Variants in SHC4 observed in about 807,000 individuals in gnomAD.
The protein encoded by SHC4 is SHC-transforming protein 4.
A neutral mutation model predicts 69.4 loss-of-function variants in SHC4; 41 were observed. That is an observed-to-expected ratio of 0.59 (90% CI 0.46 to 0.77). The LOEUF (loss-of-function observed/expected upper bound fraction) is 0.77. Ranked by LOEUF, SHC4 falls within the 30% of genes least tolerant of loss-of-function variation. The pLI is 0.00. For synonymous variants in SHC4, 318 were observed against 299.3 expected, an observed-to-expected ratio of 1.06 and a Z score of -0.64; for missense variants, 777 against 783.8, an observed-to-expected ratio of 0.99 and a Z score of 0.10.
At chr15:48,890,105 T>C (rs1232579480) in intron 3 of SHC4, among the ~76,000 whole-genome samples, 1 of 152,218 alleles carries the variant, frequency 6.6e-6, no homozygotes, top group Admixed American at 6.5e-5. Flanking sequence ...AAGTAAGTGC[T>C]ATTTTCTCCC....
chr15:48,959,565 G>T (rs1337706096), intron 1 of SHC4, among the ~76,000 whole-genome samples: 2 of 152,130 alleles, frequency 1.3e-5, no homozygotes, highest in Non-Finnish European at 2.9e-5. Flanking sequence ...CTTTTTTCCT[G>T]TAAACTTTGC....
chr15:48,949,622 G>A (rs1901333053), intron 1 of SHC4, among the ~76,000 whole-genome samples: 1 of 151,846 alleles, frequency 6.6e-6, no homozygotes, highest in Admixed American at 6.6e-5. Context: ...CTTAAGACTT[G>A]TTATAATCTG....
intron 10 of SHC4, among the ~76,000 whole-genome samples, chr15:48,837,818 G>GCCCATTAGATCCTCTAAAA (rs1338565026): frequency 6.6e-6 from 1 of 151,834 alleles, no homozygotes; most frequent in African/African-American, 2.4e-5. Flanking sequence ...TGGATCTAAT[G>GCCCATTAGATCCTCTAAAA]GGCAAAAACC....
At chr15:48,879,614 T>C (rs1320095272) in intron 4 of SHC4, 1 of 167,204 alleles carries the variant, frequency 6.0e-6, no homozygotes, top group South Asian at 2.1e-4. Context: ...GAACTGTTAA[T>C]AAAAGTTGTC....
chr15:48,857,869 A>C, intron 6 of SHC4, 54 bp from the exon 7 acceptor site: 2 of 1,391,294 alleles, frequency 1.4e-6, no homozygotes, highest in South Asian at 1.8e-5. Flanking sequence ...GAAAGAGAAG[A>C]TTACATAAAA....
intron 3 of SHC4, among the ~76,000 whole-genome samples, chr15:48,889,821 G>A (rs961695511): frequency 6.6e-6 from 1 of 152,152 alleles, no homozygotes; most frequent in Admixed American, 6.5e-5. Context: ...TCCAACCTGG[G>A]CAACAGAGCG....
intron 2 of SHC4, among the ~76,000 whole-genome samples, chr15:48,904,334 T>C (rs189382683): frequency 1.3e-5 from 2 of 152,276 alleles, no homozygotes; most frequent in Admixed American, 1.3e-4. Context: ...AATAGTAATA[T>C]CTATTTTATA....
At chr15:48,923,606 T>C (rs1595759110) in intron 2 of SHC4, among the ~76,000 whole-genome samples, 1 of 149,036 alleles carries the variant, frequency 6.7e-6, no homozygotes, top group East Asian at 2.0e-4. Flanking sequence ...TAGAGTTTTT[T>C]CAACTATAGC....
chr15:48,893,850 T>C (rs995391469), intron 2 of SHC4, among the ~76,000 whole-genome samples: 12 of 152,192 alleles, frequency 7.9e-5, no homozygotes, highest in African/African-American at 2.9e-4. Context: ...TGGTGGCACA[T>C]ACTTGTAGTC....
chr15:48,954,690 G>T (rs1901414499), intron 1 of SHC4, among the ~76,000 whole-genome samples: 1 of 152,190 alleles, frequency 6.6e-6, no homozygotes, highest in Admixed American at 6.5e-5. Context: ...TGCCAGGGTG[G>T]CGCTGCTGGC....
intron 1 of SHC4, among the ~76,000 whole-genome samples, chr15:48,960,377 C>G (rs559027875): frequency 6.6e-6 from 1 of 152,274 alleles, no homozygotes; most frequent in East Asian, 1.9e-4. Flanking sequence ...TTTGGAGACT[C>G]ACTCGTTTTC....
At chr15:48,835,753 A>G (rs1595726243) in intron 10 of SHC4, among the ~76,000 whole-genome samples, 1 of 152,210 alleles carries the variant, frequency 6.6e-6, no homozygotes, top group Admixed American at 6.5e-5. Context: ...AGTTTACAGT[A>G]CTATCCACAC....
Position 48,835,025 on chromosome 15 carries a change from G to A in SHC4, c.1484-3C>T. The A allele has an allele frequency of 6.2e-7, 1 of 1,607,450 alleles. No homozygotes were observed. Among genetic ancestry groups the A allele is most frequent in the Non-Finnish European group, 8.5e-7 (1 of 1,176,812 alleles). ...CGGCTGAACAGTTTCTGGTGCCTCT[G>A]AAGTCAGAACACAAAGAGAGACATC... On this transcript the variant is annotated splice_polypyrimidine_tract_variant and splice_region_variant and intron_variant, in intron 10 of 11. Transcript: ENST00000332408.
At chr15:48,873,747 A>T (rs1463490351) in intron 4 of SHC4, among the ~76,000 whole-genome samples, 2 of 152,210 alleles carry the variant, frequency 1.3e-5, no homozygotes, top group Admixed American at 1.3e-4. Context: ...TCTCAAAAAA[A>T]AAAACAGAAA....
intron 2 of SHC4, among the ~76,000 whole-genome samples, chr15:48,910,823 C>T (rs1337385010): frequency 6.6e-6 from 1 of 152,104 alleles, no homozygotes; most frequent in Non-Finnish European, 1.5e-5. Flanking sequence ...GTTTTTGACC[C>T]AAATGCTCAT....
At chr15:48,927,475 A>G (rs546011041) in intron 1 of SHC4, among the ~76,000 whole-genome samples, 2 of 152,212 alleles carry the variant, frequency 1.3e-5, no homozygotes, top group Non-Finnish European at 2.9e-5. Flanking sequence ...AAGGTGACCA[A>G]GCACCTACAT....
intron 2 of SHC4, among the ~76,000 whole-genome samples, chr15:48,899,985 G>A (rs140482274): frequency 6.6e-6 from 1 of 152,150 alleles, no homozygotes; most frequent in Non-Finnish European, 1.5e-5. Flanking sequence ...TTGAGTAACA[G>A]GTTCTGTGCT....
intron 2 of SHC4, among the ~76,000 whole-genome samples, chr15:48,895,825 G>A (rs184065830): frequency 2.5e-4 from 38 of 152,322 alleles, no homozygotes; most frequent in African/African-American, 9.1e-4. Flanking sequence ...GCTCATGCCT[G>A]TAATCCCACC....
At position 48,963,201 on chromosome 15, in the gene SHC4, G is replaced by A. The variant is rs945772271; in HGVS notation, c.-186C>T. The stretch of plus-strand genomic sequence containing the variant: ...AAGGGTGACAGCCCATGGGGGAAAC[G>A]CCTCCCCTGCTCTGATTTCAGTCTC... On this transcript the variant is annotated 5_prime_UTR_variant, in exon 1 of 12. Transcript: ENST00000332408. 10 of 595,574 alleles carry A rather than the reference G, an allele frequency of 1.7e-5. No homozygotes were observed. The highest frequency in any genetic ancestry group is 5.8e-6 in the Non-Finnish European group (2 of 344,448). The allele number at this position is 595,574 out of a possible 1,614,324, so 36.9% of individuals were successfully genotyped here. A position where few individuals can be genotyped will look rare whatever the true frequency, so the allele number is the denominator to read the frequency against.
Sources: allele counts gnomAD v4.1 joint callset (sites outside exome capture counted in the v4.1 genomes callset), GRCh38; gene constraint gnomAD v4.1.1; transcripts MANE v1.5; gene names NCBI Gene and HGNC (gene_info 2026-07-23, HGNC 2026-07-21).